PLD1: variants seen among roughly 807,000 people sequenced by gnomAD.
PLD1 encodes the protein choline phosphatase 1.
PLD1 carries 112 observed loss-of-function variants against 137.1 expected under a neutral mutation model. That is an observed-to-expected ratio of 0.82 (90% CI 0.70 to 0.96). PLD1 has a LOEUF of 0.96. PLD1 is among the 40% of genes least tolerant of loss of function. The probability of loss-of-function intolerance (pLI) is 0.00; values close to 1 mark genes in which losing one functional copy is unlikely to be tolerated. For synonymous variants in PLD1, 431 were observed against 454.7 expected, an observed-to-expected ratio of 0.95 and a Z score of 0.66; for missense variants, 1,321 against 1,342.0, an observed-to-expected ratio of 0.98 and a Z score of 0.24.
intron 23 of PLD1, among the ~76,000 whole-genome samples, chr3:171,629,708 G>A (rs1308563665): frequency 5.9e-5 from 9 of 151,878 alleles, no homozygotes; most frequent in South Asian, 2.1e-4. Context: ...AAATAACGCC[G>A]CATATCTACA....
At chr3:171,658,317 A>C (rs1284021237) in intron 21 of PLD1, among the ~76,000 whole-genome samples, 1 of 152,182 alleles carries the variant, frequency 6.6e-6, no homozygotes, top group Non-Finnish European at 1.5e-5. Flanking sequence ...ACCCCTAGAG[A>C]AATGAAAATA....
intron 23 of PLD1, among the ~76,000 whole-genome samples, chr3:171,623,265 A>G (rs1017409042): frequency 6.6e-6 from 1 of 151,972 alleles, no homozygotes; most frequent in South Asian, 2.1e-4. Context: ...GCAAGAATAA[A>G]TTGAGAAAAA....
intron 21 of PLD1, among the ~76,000 whole-genome samples, chr3:171,645,883 C>CA (rs1162718346): frequency 0.025 from 1,415 of 57,686 alleles, 15 homozygotes; most frequent in Non-Finnish European, 0.029. Context: ...GACTCCATCT[C>CA]AAAAAAAAAA....
At chr3:171,676,589 C>G (rs1713376711) in intron 18 of PLD1, 126 bp downstream of exon 18, 1 of 749,378 alleles carries the variant, frequency 1.3e-6, no homozygotes, top group Non-Finnish European at 2.3e-6. Flanking sequence ...ATGCAGCCAA[C>G]AGCAGAGCAG....
chr3:171,652,766 A>ATTTTT lies in PLD1; in HGVS notation c.2429+6442_2429+6446dup, dbSNP rs1174564536. On this transcript the variant is annotated intron_variant, in intron 21 of 26. Coordinates refer to ENST00000351298, the MANE Select transcript of PLD1 (RefSeq NM_002662.5). ...CAGGCATGTACCAGCACACTCAGCT[A>ATTTTT]TTTTTTTTTTTTTTTTTTTTTTTTT... Among the ~76,000 whole-genome samples the ATTTTT allele has an allele frequency of 9.8e-4, 74 of 75,620 alleles. 4 individuals carry two copies. The highest frequency in any genetic ancestry group is 1.2e-3 in the Non-Finnish European group (52 of 42,178). 49.6% of individuals were successfully genotyped at this position (75,620 alleles called of 152,430 possible). A position where few individuals can be genotyped will look rare whatever the true frequency, so the allele number is the denominator to read the frequency against.
intron 23 of PLD1, among the ~76,000 whole-genome samples, chr3:171,635,882 T>G (rs1057133103): frequency 1.3e-5 from 2 of 151,598 alleles, no homozygotes; most frequent in African/African-American, 4.8e-5. Flanking sequence ...TTCCGGGAAA[T>G]GTATAGTTTT....
rs202209323 is a variant in PLD1, at chr3:171,620,555, T to A, written c.2594-35A>T. On this transcript the variant is annotated intron_variant, in intron 23 of 26. Coordinates refer to ENST00000351298, the MANE Select transcript of PLD1 (RefSeq NM_002662.5). ...TAAAAAGAAATTATTAAAATTAATATGACCAAGCTCAATAAACGTACATTA... is the reference window on the plus strand; with the variant it reads ...TAAAAAGAAATTATTAAAATTAATAAGACCAAGCTCAATAAACGTACATTA... 366 of 1,334,288 alleles carry A rather than the reference T, an allele frequency of 2.7e-4. No homozygotes were observed. The African/African-American group carries it at 4.9e-3, about 18-fold the overall frequency. The allele number at this position is 1,334,288 out of a possible 1,614,324, so 82.7% of individuals were successfully genotyped here.
intron 1 of PLD1, among the ~76,000 whole-genome samples, chr3:171,755,732 G>T (rs150990387): frequency 3.3e-4 from 50 of 152,296 alleles, no homozygotes; most frequent in Non-Finnish European, 6.8e-4. Flanking sequence ...CCTGAAGAGA[G>T]AGGCCATCTC....
intron 1 of PLD1, among the ~76,000 whole-genome samples, chr3:171,784,470 C>A (rs1722914249): frequency 1.3e-5 from 2 of 151,984 alleles, no homozygotes; most frequent in African/African-American, 4.8e-5. Flanking sequence ...CATTTAAGTA[C>A]CCAGGAAAAA....
At chr3:171,762,464 G>GCT (rs1721468684) in intron 1 of PLD1, among the ~76,000 whole-genome samples, 1 of 152,208 alleles carries the variant, frequency 6.6e-6, no homozygotes, top group Non-Finnish European at 1.5e-5. Flanking sequence ...GCTAAACAGA[G>GCT]CTCTCTCTCA....
chr3:171,799,272 G>A (rs1409780965), intron 1 of PLD1, among the ~76,000 whole-genome samples: 3 of 149,948 alleles, frequency 2.0e-5, no homozygotes, highest in Non-Finnish European at 4.4e-5. Context: ...CCAGGCGGTG[G>A]AGGTTGCAGT....
At chr3:171,726,324 C>T (rs1191121610) in intron 6 of PLD1, among the ~76,000 whole-genome samples, 4 of 151,936 alleles carry the variant, frequency 2.6e-5, no homozygotes, top group Non-Finnish European at 5.9e-5. Flanking sequence ...AGATAAAATG[C>T]TCAAGAAGCT....
chr3:171,750,512 T>C (rs1284622709), intron 1 of PLD1, among the ~76,000 whole-genome samples: 1 of 151,974 alleles, frequency 6.6e-6, no homozygotes, highest in African/African-American at 2.4e-5. Flanking sequence ...TTCATTAAAT[T>C]TGGTGAAAGA....
At chr3:171,672,040 G>T (rs1034454634) in intron 19 of PLD1, among the ~76,000 whole-genome samples, 23 of 139,118 alleles carry the variant, frequency 1.7e-4, no homozygotes, top group African/African-American at 5.9e-4. Context: ...CTCTCTAAGA[G>T]CGAATGGGTT....
Position 171,612,365 on chromosome 3 carries a change from T to C in PLD1, c.2796A>G (p.Gln932=). 1.2e-6 allele frequency: 2 copies of C among 1,614,088 alleles called. No homozygotes were observed. The highest frequency in any genetic ancestry group is 2.2e-5 in the East Asian group (1 of 44,878). ...TTACTGAAGGAACAGTCTCTGTATC[T>C]TGCACAATGACAGCCATTTCACTGT... ...KRDSEMAVIV[Q]DTETVPSVMD... Residue 932 remains glutamine, a synonymous_variant, in exon 25 of 27, where the codon CAA becomes CAG. Transcript: ENST00000351298. The surrounding 1 kb of genome is among the most constrained non-coding windows in gnomAD (Gnocchi z 4.1).
chr3:171,743,827 G>C (rs906354302), intron 1 of PLD1, among the ~76,000 whole-genome samples: 3 of 152,180 alleles, frequency 2.0e-5, no homozygotes. Flanking sequence ...TCTTTGGGGA[G>C]GAGGGTTAGA....
In PLD1 at chr3:171,775,861, A is replaced by C. The variant is rs142294773; in HGVS notation, c.-32+34538T>G. On this transcript the variant is annotated intron_variant, in intron 1 of 26. Coordinates refer to ENST00000351298, the MANE Select transcript of PLD1 (RefSeq NM_002662.5). ...CTGTCTCAAAATAAGTAAACAAAAAAAATTAATTAATTAATTAAAATAAAA... is the reference window on the plus strand; with the variant it reads ...CTGTCTCAAAATAAGTAAACAAAAACAATTAATTAATTAATTAAAATAAAA... Among the ~76,000 whole-genome samples, 819 of 152,194 alleles carry C rather than the reference A, an allele frequency of 5.4e-3. 7 individuals are homozygous for C. Among genetic ancestry groups the C allele is most frequent in the African/African-American group, 0.019 (785 of 41,522 alleles).
intron 23 of PLD1, among the ~76,000 whole-genome samples, chr3:171,630,702 AT>A (rs1211091517): frequency 6.8e-6 from 1 of 146,302 alleles, no homozygotes; most frequent in Non-Finnish European, 1.5e-5. Flanking sequence ...TGATGAGTTC[AT>A]GTCCTTTGTA....
Position 171,708,833 on chromosome 3 carries a change from A to G in PLD1, c.1067T>C (p.Val356Ala). ...IQENALAKWY[V>A]NAKGYFEDVA... ...ATCTTCAAAATATCCTTTGGCATTA[A>G]CATACCTGAAAGACAAGTTTATTGT... Residue 356 changes from valine to alanine, a missense_variant, in exon 11 of 27, where the codon GTT (valine) becomes GCT (alanine). Val to Ala is a moderately conservative substitution (Grantham distance 64). Coordinates refer to ENST00000351298, the MANE Select transcript of PLD1 (RefSeq NM_002662.5). The G allele has an allele frequency of 1.3e-6, 2 of 1,551,828 alleles. No individual in the cohort carries two copies. Among genetic ancestry groups the G allele is most frequent in the Non-Finnish European group, 1.8e-6 (2 of 1,123,288 alleles).
Sources: allele counts gnomAD v4.1 joint callset (sites outside exome capture counted in the v4.1 genomes callset), GRCh38; gene constraint gnomAD v4.1.1; non-coding constraint Gnocchi (gnomAD v3.1); transcripts MANE v1.5; gene names NCBI Gene and HGNC (gene_info 2026-07-23, HGNC 2026-07-21).